CORO2B: variants seen among roughly 807,000 people sequenced by gnomAD.
The protein encoded by CORO2B is coronin-2B.
In CORO2B, 26 loss-of-function variants were observed where a neutral mutation model predicts 58.8. The ratio of observed to expected loss-of-function variants is 0.44; its 90% CI spans 0.32 to 0.61. CORO2B has a LOEUF of 0.61. CORO2B is among the 20% of genes least tolerant of loss of function. The pLI is 0.04. For missense variants in CORO2B, 460 were observed against 645.1 expected (o/e 0.71, Z 3.11); for synonymous variants, 242 against 253.8 (o/e 0.95, Z 0.44).
intron 2 of CORO2B, among the ~76,000 whole-genome samples, chr15:68,662,030 T>TAAATAAATAAATAAATA (rs60007308): frequency 1.4e-5 from 2 of 147,040 alleles, no homozygotes; most frequent in African/African-American, 5.1e-5. Context: ...ATAAATAAAT[T>TAAATAAATAAATAAATA]AATTAATTAA....
At chr15:68,557,054 G>A in the CORO2B span, among the ~76,000 whole-genome samples, 1 of 152,222 alleles carries the variant, frequency 6.6e-6, no homozygotes, top group Non-Finnish European at 1.5e-5. Context: ...GATGGCTATT[G>A]CTGGCAACTT....
intron 1 of CORO2B, among the ~76,000 whole-genome samples, chr15:68,638,191 C>T (rs1447496345): frequency 6.6e-6 from 1 of 152,134 alleles, no homozygotes; most frequent in East Asian, 1.9e-4. Context: ...TCCCTCCCTC[C>T]TCCTGACCCT....
chr15:68,604,352 G>A (rs143998257), intron 1 of CORO2B, among the ~76,000 whole-genome samples: 82 of 152,142 alleles, frequency 5.4e-4, no homozygotes, highest in African/African-American at 1.8e-3. Flanking sequence ...TTCCTACCAC[G>A]AGCAGAACAA....
the CORO2B span, among the ~76,000 whole-genome samples, chr15:68,547,555 G>A: frequency 1.3e-5 from 2 of 151,942 alleles, no homozygotes; most frequent in Admixed American, 1.3e-4. Context: ...TGTTAGCCAG[G>A]ATGGTCTCAA....
intron 1 of CORO2B, among the ~76,000 whole-genome samples, chr15:68,599,844 T>C (rs1018031770): frequency 1.3e-5 from 2 of 152,230 alleles, no homozygotes; most frequent in Non-Finnish European, 2.9e-5. Flanking sequence ...GCTCGAGGCC[T>C]GAGTGAATTC....
intron 2 of CORO2B, among the ~76,000 whole-genome samples, chr15:68,684,198 G>T (rs1382426960): frequency 1.3e-5 from 2 of 152,186 alleles, no homozygotes; most frequent in Non-Finnish European, 1.5e-5. Flanking sequence ...CTAGAAGTCT[G>T]CCTGAGAGTC....
chr15:68,660,468 T>C (rs959806757), intron 2 of CORO2B, among the ~76,000 whole-genome samples: 3 of 152,188 alleles, frequency 2.0e-5, no homozygotes, highest in Non-Finnish European at 4.4e-5. Context: ...CGTCCTGGGC[T>C]CAAGTGATGC....
chr15:68,591,673 C>G (rs1052214835), intron 1 of CORO2B, among the ~76,000 whole-genome samples: 1 of 152,172 alleles, frequency 6.6e-6, no homozygotes, highest in Non-Finnish European at 1.5e-5. Flanking sequence ...GAAGGTCTCT[C>G]CCTGTGCCTG....
At chr15:68,650,976 T>C (rs1180597888) in intron 2 of CORO2B, among the ~76,000 whole-genome samples, 6 of 152,054 alleles carry the variant, frequency 3.9e-5, no homozygotes, top group Non-Finnish European at 7.4e-5. Context: ...CTTATGTATG[T>C]TGCAAATGTT....
intron 2 of CORO2B, among the ~76,000 whole-genome samples, chr15:68,661,443 A>G (rs768224634): frequency 3.4e-4 from 52 of 152,228 alleles, no homozygotes; most frequent in Non-Finnish European, 6.3e-4. Context: ...GGGACAAAAC[A>G]TTCAACCAAT....
Position 68,579,774 on chromosome 15 carries a change from T to A in CORO2B, c.15+497T>A, listed in dbSNP as rs148242123. ...CGCTGGCTCCACTCCAAAGCCACTC[T>A]GTGCAGAAGGCGCTGCCCAGTCCCG... On this transcript the variant is annotated intron_variant, in intron 1 of 11. Transcript: ENST00000261861. Among the ~76,000 whole-genome samples the A allele has an allele frequency of 6.5e-3, 990 of 152,308 alleles. 6 individuals are homozygous for A. Among genetic ancestry groups the A allele is most frequent in the Middle Eastern group, 0.02 (6 of 294 alleles).
At chr15:68,632,096 A>G in intron 1 of CORO2B, 1 of 985,434 alleles carries the variant, frequency 1.0e-6, no homozygotes, top group Non-Finnish European at 1.2e-6. Context: ...TCGGAGCTAG[A>G]AGGTAGTCAG....
chr15:68,714,583 G>T lies in CORO2B; in HGVS notation c.790G>T (p.Glu264Ter). 1 of 1,614,084 alleles carries T rather than the reference G, an allele frequency of 6.2e-7. No individual in the cohort carries two copies. Among genetic ancestry groups the T allele is most frequent in the Non-Finnish European group, 8.5e-7 (1 of 1,179,982 alleles). The change falls in exon 7 of 12, where the codon GAA becomes TAA. Residue 264 changes from glutamate (E) to a stop codon, truncating the protein, a stop_gained. Coordinates refer to ENST00000261861, the MANE Select transcript of CORO2B (RefSeq NM_006091.5). LOFTEE classifies it high-confidence loss of function. ...GGAGGACCTCTCCATGCCCCTGATC[G>T]AAGAGGAAATTGATGGGCTCTCTGG... Reference protein sequence around the residue: ...DQEDLSMPLIEEEIDGLSGLL... With the variant: ...DQEDLSMPLI
intron 2 of CORO2B, among the ~76,000 whole-genome samples, chr15:68,679,192 C>T (rs1902691758): frequency 6.6e-6 from 1 of 152,232 alleles, no homozygotes; most frequent in Admixed American, 6.5e-5. Flanking sequence ...ATCATCCCAT[C>T]TTATTCATCT....
At chr15:68,604,643 G>T (rs927453986) in intron 1 of CORO2B, among the ~76,000 whole-genome samples, 2 of 151,696 alleles carry the variant, frequency 1.3e-5, no homozygotes, top group East Asian at 1.9e-4. Context: ...TCCCTTCTGT[G>T]TAAATTCAGC....
At chr15:68,576,007 G>C (rs1176011479), upstream of CORO2B, among the ~76,000 whole-genome samples, 1 of 151,718 alleles carries the variant, frequency 6.6e-6, no homozygotes, top group African/African-American at 2.4e-5. Flanking sequence ...ACAAAAATTA[G>C]TCAGGTGGGG....
chr15:68,553,767 G>A, the CORO2B span, among the ~76,000 whole-genome samples: 12 of 152,212 alleles, frequency 7.9e-5, no homozygotes, highest in Non-Finnish European at 1.8e-4. Flanking sequence ...TTTGTGCCCC[G>A]CACAGTGAAG....
intron 1 of CORO2B, among the ~76,000 whole-genome samples, chr15:68,579,648 G>T (rs1899376058): frequency 6.6e-6 from 1 of 152,236 alleles, no homozygotes; most frequent in African/African-American, 2.4e-5. Context: ...GGCAGGGGCT[G>T]GTGCTGAGCA....
intron 2 of CORO2B, among the ~76,000 whole-genome samples, chr15:68,662,746 G>A (rs1483529204): frequency 6.6e-6 from 1 of 152,166 alleles, no homozygotes; most frequent in Non-Finnish European, 1.5e-5. Context: ...TTAATACTGT[G>A]TCATTAACAT....
Sources: allele counts gnomAD v4.1 joint callset (sites outside exome capture counted in the v4.1 genomes callset), GRCh38; gene constraint gnomAD v4.1.1; transcripts MANE v1.5; gene names NCBI Gene and HGNC (gene_info 2026-07-23, HGNC 2026-07-21).